DIAPH2: variants seen among roughly 807,000 people sequenced by gnomAD.
DIAPH2 encodes the protein diaphanous related formin 2.
DIAPH2 carries 35 observed loss-of-function variants against 92.7 expected under a neutral mutation model. The ratio of observed to expected loss-of-function variants is 0.38; its 90% CI spans 0.29 to 0.50. The LOEUF (loss-of-function observed/expected upper bound fraction) is 0.50, where lower values mean the gene tolerates loss of function less well. DIAPH2 is among the 20% of genes least tolerant of loss of function. DIAPH2 has a pLI of 0.94. For synonymous variants in DIAPH2, 301 were observed against 280.4 expected (o/e 1.07, Z -0.73); for missense variants, 701 against 819.5 (o/e 0.86, Z 1.77).
At chrX:96,854,654 C>T (rs2065028870) in intron 4 of DIAPH2, among the ~76,000 whole-genome samples, 1 of 68,389 alleles carries the variant, frequency 1.5e-5, no homozygotes, top group Admixed American at 2.2e-4. Flanking sequence ...CATCTGATAG[C>T]CAAGGCAGCT....
intron 23 of DIAPH2, among the ~76,000 whole-genome samples, chrX:97,292,511 T>C (rs2068600919): frequency 9.0e-6 from 1 of 110,619 alleles, no homozygotes. Context: ...TCTTTTAGCC[T>C]AGCTGCCAGA....
intron 25 of DIAPH2, among the ~76,000 whole-genome samples, chrX:97,391,740 G>A (rs771579522): frequency 1.8e-5 from 2 of 110,533 alleles, no homozygotes; most frequent in Non-Finnish European, 3.8e-5. Context: ...TCTTTATGTG[G>A]CATGCAAAAT....
intron 23 of DIAPH2, among the ~76,000 whole-genome samples, chrX:97,308,508 G>A (rs905131799): frequency 1.8e-5 from 2 of 110,667 alleles, no homozygotes; most frequent in East Asian, 2.9e-4. Context: ...AAGGCCAGGC[G>A]CGGTGGCTCA....
chrX:97,508,379 A>G (rs1398649828), intron 26 of DIAPH2, among the ~76,000 whole-genome samples: 1 of 112,204 alleles, frequency 8.9e-6, no homozygotes, highest in Non-Finnish European at 1.9e-5. Flanking sequence ...GTAATGGAGA[A>G]TCTTAATTAT....
chrX:97,443,736 A>G (rs988757872), intron 26 of DIAPH2, among the ~76,000 whole-genome samples: 1 of 112,070 alleles, frequency 8.9e-6, no homozygotes, highest in Non-Finnish European at 1.9e-5. Flanking sequence ...TATAAAAAAC[A>G]CAATGTAACT....
intron 1 of DIAPH2, among the ~76,000 whole-genome samples, chrX:96,700,944 G>A (rs2063851716): frequency 8.9e-6 from 1 of 112,233 alleles, no homozygotes; most frequent in African/African-American, 3.2e-5. Context: ...GCACCTAATT[G>A]TATCTTCTTC....
intron 26 of DIAPH2, among the ~76,000 whole-genome samples, chrX:97,494,735 G>C (rs1024568305): frequency 1.7e-4 from 19 of 112,049 alleles, no homozygotes; most frequent in African/African-American, 5.8e-4. Context: ...TTCCTAATTA[G>C]ATGGATTTAC....
intron 4 of DIAPH2, among the ~76,000 whole-genome samples, chrX:96,854,474 T>G (rs6620193): frequency 0.11 from 10,938 of 103,893 alleles, 568 homozygotes; most frequent in East Asian, 0.32. Flanking sequence ...ACAGGGAATA[T>G]GTTTGAAGAC....
intron 23 of DIAPH2, among the ~76,000 whole-genome samples, chrX:97,317,513 A>G (rs1602502436): frequency 1.8e-5 from 2 of 112,354 alleles, no homozygotes; most frequent in Admixed American, 1.9e-4. Context: ...TTCAAGTTAA[A>G]TCATTGAGAT....
At chrX:96,762,985 C>G in intron 4 of DIAPH2, 1 of 417,112 alleles carries the variant, frequency 2.4e-6, no homozygotes, top group Admixed American at 5.4e-5. Flanking sequence ...ATAGGGTTAG[C>G]TATTTACTAA....
rs186752572 is a variant in DIAPH2, at chrX:97,110,999, A to C, written c.2350-3727A>C. ...CTCCGTCTCAAAAAAAACAAACAAA[A>C]AAAAAAAGATGCCCTATTTGATGTC... is the stretch of plus-strand genomic sequence containing the variant. On this transcript the variant is annotated intron_variant, in intron 20 of 26. Transcript: ENST00000324765. 3.2e-3 allele frequency among the ~76,000 whole-genome samples: 351 copies of C among 111,198 alleles called. 2 individuals carry two copies. The highest frequency in any genetic ancestry group is 5.7e-3 in the Non-Finnish European group (304 of 53,054).
chrX:97,149,694 G>A (rs1423016669), intron 22 of DIAPH2, among the ~76,000 whole-genome samples: 4 of 77,706 alleles, frequency 5.1e-5, no homozygotes, highest in East Asian at 4.9e-4. Context: ...TCGCGCCACC[G>A]CACTCCAGCC....
In DIAPH2 at chrX:97,418,161, C is replaced by G. The variant is rs2069968622; in HGVS notation, c.3146-11489C>G. Reference sequence around the variant, plus strand: ...CATAGTTGACTGTGGATAACTGAAGCCATGGAAATTGAAGCTGGATAAGGT... The same window carrying G: ...CATAGTTGACTGTGGATAACTGAAGGCATGGAAATTGAAGCTGGATAAGGT... On this transcript the variant is annotated intron_variant, in intron 25 of 26. Coordinates refer to ENST00000324765, the MANE Select transcript of DIAPH2 (RefSeq NM_006729.5). Among the ~76,000 whole-genome samples the G allele has an allele frequency of 5.3e-5, 6 of 112,338 alleles. No individual in the cohort carries two copies. In the South Asian group the frequency reaches 2.2e-3, roughly 42 times the overall value.
intron 24 of DIAPH2, among the ~76,000 whole-genome samples, chrX:97,377,700 G>A (rs1276520697): frequency 9.0e-6 from 1 of 111,296 alleles, no homozygotes; most frequent in African/African-American, 3.3e-5. Flanking sequence ...ATGATATGCT[G>A]TTTTACTTAG....
chrX:96,949,809 G>A (rs1027656401), intron 15 of DIAPH2, among the ~76,000 whole-genome samples: 2 of 104,609 alleles, frequency 1.9e-5, no homozygotes, highest in Non-Finnish European at 3.9e-5. Flanking sequence ...GCAGTGAGCC[G>A]AGATCCCGCC....
At chrX:96,814,111 C>A (rs975424692) in intron 4 of DIAPH2, among the ~76,000 whole-genome samples, 5 of 111,901 alleles carry the variant, frequency 4.5e-5, no homozygotes, top group African/African-American at 1.6e-4. Flanking sequence ...TAATATCCTT[C>A]AGAGTGTTTT....
At chrX:97,212,590 G>T (rs6620241) in intron 22 of DIAPH2, among the ~76,000 whole-genome samples, 1,881 of 65,593 alleles carry the variant, frequency 0.029, 15 homozygotes, top group East Asian at 0.11. Context: ...AGGGTTTTTT[G>T]TTTTTTTTTT....
intron 3 of DIAPH2, among the ~76,000 whole-genome samples, chrX:96,740,257 C>T (rs183549903): frequency 6.3e-5 from 7 of 111,871 alleles, no homozygotes; most frequent in Non-Finnish European, 1.3e-4. Context: ...TTTCCTTTAT[C>T]AAATAAGCTC....
At chrX:97,202,559 A>G (rs1490854748) in intron 22 of DIAPH2, among the ~76,000 whole-genome samples, 2 of 112,356 alleles carry the variant, frequency 1.8e-5, no homozygotes, top group African/African-American at 6.5e-5. Context: ...AGACTTTTAA[A>G]CCAACAAAGG....
Sources: gnomAD v4.1 joint callset for allele counts (sites outside exome capture counted in the v4.1 genomes callset) on GRCh38, gnomAD v4.1.1 for gene constraint, MANE v1.5 for transcripts, NCBI Gene and HGNC (gene_info 2026-07-23, HGNC 2026-07-21) for gene names.